Variants in ZNF30 observed in about 807,000 individuals in gnomAD.
ZNF30 encodes zinc finger protein 30, also known as zinc finger protein 30 (KOX 28).
ZNF30 carries 15 observed loss-of-function variants against 13.2 expected under a neutral mutation model. The ratio of observed to expected loss-of-function variants is 1.13; its 90% CI spans 0.76 to 1.75. The LOEUF (loss-of-function observed/expected upper bound fraction) is 1.75. ZNF30 is among the 40% of genes most tolerant of loss of function. The probability of loss-of-function intolerance (pLI) is 0.00; values close to 1 mark genes in which losing one functional copy is unlikely to be tolerated. For synonymous variants in ZNF30, 223 were observed against 256.6 expected, an observed-to-expected ratio of 0.87 and a Z score of 1.25; for missense variants, 726 against 757.0, an observed-to-expected ratio of 0.96 and a Z score of 0.48.
At chr19:34,939,623 A>AT (rs953663251) in intron 4 of ZNF30, among the ~76,000 whole-genome samples, 6 of 152,078 alleles carry the variant, frequency 3.9e-5, no homozygotes, top group Non-Finnish European at 8.8e-5. Flanking sequence ...CTAAAAGCTA[A>AT]TTTTTTTAAA....
At chr19:34,937,621 C>T (rs2012810837) in intron 4 of ZNF30, among the ~76,000 whole-genome samples, 1 of 151,856 alleles carries the variant, frequency 6.6e-6, no homozygotes, top group African/African-American at 2.4e-5. Context: ...GTAGTCCTAG[C>T]TACTCATGAG....
chr19:34,924,306 ATTTC>A (rs1178460704), upstream of ZNF30, among the ~76,000 whole-genome samples: 1 of 152,162 alleles, frequency 6.6e-6, no homozygotes, highest in Admixed American at 6.5e-5. Flanking sequence ...TGATTTAAAA[ATTTC>A]TTTGACATTC....
At position 34,944,351 on chromosome 19, in the gene ZNF30, G is replaced by T; in HGVS notation, c.1385G>T (p.Gly462Val). The T allele has an allele frequency of 3.7e-6, 6 of 1,614,174 alleles. No homozygotes were observed. Among genetic ancestry groups the T allele is most frequent in the Non-Finnish European group, 5.1e-6 (6 of 1,180,020 alleles). ...GEKPYECKECGKAFRVHVHLT... is the reference protein window; with the variant it reads ...GEKPYECKECVKAFRVHVHLT... ...AAACCCTATGAGTGTAAGGAATGTG[G>T]CAAGGCCTTCAGAGTGCACGTACAT... is the stretch of plus-strand genomic sequence containing the variant. Residue 462 changes from glycine (G) to valine (V), a missense_variant, in exon 5 of 5, where the codon GGC becomes GTC. Transcript: ENST00000601142.
intron 1 of ZNF30, among the ~76,000 whole-genome samples, chr19:34,929,282 G>T (rs1459688520): frequency 1.3e-5 from 2 of 152,090 alleles, no homozygotes; most frequent in Admixed American, 1.3e-4. Context: ...GCGAGACTCC[G>T]TCTCAAAAAA....
Position 34,928,277 on chromosome 19 carries a change from ATAAAT to A in ZNF30, c.-65+1070_-65+1074del, listed in dbSNP as rs1275336818. 6.1e-4 allele frequency among the ~76,000 whole-genome samples: 88 copies of A among 143,544 alleles called. 1 individual carries two copies. Among genetic ancestry groups the A allele is most frequent in the East Asian group, 1.8e-3 (9 of 4,966 alleles). 94.2% of individuals were successfully genotyped at this position (143,544 alleles called of 152,430 possible). Reference sequence around the variant, plus strand: ...TATAGATAGATAGATAGATAGATACATAAATTAAATTAAGTGGAAACAAGTGTTTA... The same window carrying A: ...TATAGATAGATAGATAGATAGATACATAAATTAAGTGGAAACAAGTGTTTA... On this transcript the variant is annotated intron_variant, in intron 1 of 4. Coordinates refer to ENST00000601142, the MANE Select transcript of ZNF30 (RefSeq NM_194325.3).
rs182556226 is a variant in ZNF30, at chr19:34,935,100, G to A, written c.256+1377G>A. Among the ~76,000 whole-genome samples the A allele has an allele frequency of 2.9e-3, 439 of 151,926 alleles. 4 individuals carry two copies. Among genetic ancestry groups the A allele is most frequent in the African/African-American group, 9.8e-3 (406 of 41,436 alleles). On this transcript the variant is annotated intron_variant, in intron 4 of 4. Coordinates refer to ENST00000601142, the MANE Select transcript of ZNF30 (RefSeq NM_194325.3). The stretch of plus-strand genomic sequence containing the variant: ...CAAAAAATTGGCCAGGCGTGGTGGC[G>A]GGCGCCTGTGGTCCCAGCTACTCGG...
chr19:34,935,321 C>T (rs1363599073), intron 4 of ZNF30, among the ~76,000 whole-genome samples: 1 of 152,026 alleles, frequency 6.6e-6, no homozygotes, highest in Non-Finnish European at 1.5e-5. Flanking sequence ...TTTCATATAC[C>T]CTTCAACCCA....
Position 34,943,315 on chromosome 19 carries a change from C to G in ZNF30, c.349C>G (p.Gln117Glu). ...TGCTCTACATCAGAAAATAAGTAGA[C>G]AGAAACCACGTGAATGTCAGGAATA... ...SFALHQKISR[Q>E]KPRECQEYGK... is the part of the protein sequence containing the mutation. The change falls in exon 5 of 5, where the codon CAG (glutamine) becomes GAG (glutamate). Residue 117 changes from glutamine to glutamate, a missense_variant. By Grantham distance (29) the Gln-to-Glu change is conservative. Transcript: ENST00000601142. 3 of 1,613,870 alleles carry G rather than the reference C, an allele frequency of 1.9e-6. No individual in the cohort carries two copies. The highest frequency in any genetic ancestry group is 2.2e-5 in the East Asian group (1 of 44,870).
At position 34,944,330 on chromosome 19, in the gene ZNF30, C is replaced by T; in HGVS notation, c.1364C>T (p.Pro455Leu). Residue 455 changes from proline to leucine, a missense_variant, in exon 5 of 5, where the codon CCC (proline) becomes CTC (leucine). Coordinates refer to ENST00000601142, the MANE Select transcript of ZNF30 (RefSeq NM_194325.3). Reference protein sequence around the residue: ...VHQRVHTGEKPYECKECGKAF... With the variant: ...VHQRVHTGEKLYECKECGKAF... Reference sequence around the variant, plus strand: ...CAAAGGGTTCATACTGGAGAGAAACCCTATGAGTGTAAGGAATGTGGCAAG... The same window carrying T: ...CAAAGGGTTCATACTGGAGAGAAACTCTATGAGTGTAAGGAATGTGGCAAG... 2 of 1,614,030 alleles carry T rather than the reference C, an allele frequency of 1.2e-6. No homozygotes were observed. Among genetic ancestry groups the T allele is most frequent in the Non-Finnish European group, 1.7e-6 (2 of 1,180,024 alleles).
rs776675091 is a variant in ZNF30 at position 34,943,526 on chromosome 19, G to A, written c.560G>A (p.Ser187Asn). The A allele has an allele frequency of 3.7e-6, 6 of 1,612,826 alleles. No homozygotes were observed. Among genetic ancestry groups the A allele is most frequent in the Non-Finnish European group, 3.4e-6 (4 of 1,179,578 alleles). The change falls in exon 5 of 5, where the codon AGT becomes AAT. Residue 187 changes from serine to asparagine, a missense_variant. By Grantham distance (46) the Ser-to-Asn change is conservative. Transcript: ENST00000601142. ...KYEKCGKAFISGSAFVKHGRI... is the reference protein window; with the variant it reads ...KYEKCGKAFINGSAFVKHGRI... ...GAAAAATGTGGGAAGGCCTTTATCA[G>A]TGGCTCAGCCTTTGTTAAGCATGGG...
intron 4 of ZNF30, chr19:34,942,609 G>A (rs1339763283): frequency 7.8e-7 from 1 of 1,288,276 alleles, no homozygotes; most frequent in Non-Finnish European, 1.0e-6. Flanking sequence ...GAAAGCTCCA[G>A]TCTACAAACA....
chr19:34,932,532 A>G (rs2012504758), intron 3 of ZNF30, among the ~76,000 whole-genome samples: 1 of 152,158 alleles, frequency 6.6e-6, no homozygotes, highest in South Asian at 2.1e-4. Context: ...TTATTAACAC[A>G]CAGCGTGCTT....
At chr19:34,938,552 T>G (rs1002589522) in intron 4 of ZNF30, among the ~76,000 whole-genome samples, 7 of 152,172 alleles carry the variant, frequency 4.6e-5, no homozygotes, top group Non-Finnish European at 8.8e-5. Flanking sequence ...TATATCTATA[T>G]ATATAAAAAT....
chr19:34,934,075 G>A (rs893071682), intron 4 of ZNF30, among the ~76,000 whole-genome samples: 1 of 151,846 alleles, frequency 6.6e-6, no homozygotes, highest in Non-Finnish European at 1.5e-5. Flanking sequence ...GTTGAACAGA[G>A]ACAGGAAAAA....
chr19:34,944,233 A>G lies in ZNF30; in HGVS notation c.1267A>G (p.Thr423Ala). 6.2e-7 allele frequency: 1 copy of G among 1,613,774 alleles called. No homozygotes were observed. Among genetic ancestry groups the G allele is most frequent in the East Asian group, 2.2e-5 (1 of 44,870 alleles). ...SYLVQHQRIHTGEKPYECKEC... is the reference protein window; with the variant it reads ...SYLVQHQRIHAGEKPYECKEC... ...CCTTGTTCAGCATCAGAGGATCCAT[A>G]CTGGGGAGAAACCCTATGAATGTAA... The change falls in exon 5 of 5, where the codon ACT becomes GCT. Residue 423 changes from threonine (T) to alanine (A), a missense_variant. Thr to Ala is a moderately conservative substitution (Grantham distance 58). Transcript: ENST00000601142.
At position 34,944,072 on chromosome 19, in the gene ZNF30, T is replaced by TA; in HGVS notation, c.1109dup (p.Pro371AlafsTer31). On this transcript the variant is annotated frameshift_variant, in exon 5 of 5. Transcript: ENST00000601142. LOFTEE classifies it low-confidence loss of function (END_TRUNC). ...GCACATCAGCGAATTCATGCAGAGATAAAGCCCTACGGATGCAAGGAATGC... is the reference window on the plus strand; with the variant it reads ...GCACATCAGCGAATTCATGCAGAGATAAAAGCCCTACGGATGCAAGGAATGC... The TA allele has an allele frequency of 6.2e-7, 1 of 1,613,514 alleles. No homozygotes were observed. Among genetic ancestry groups the TA allele is most frequent in the South Asian group, 1.1e-5 (1 of 91,024 alleles).
Position 34,943,199 on chromosome 19 carries a change from G to A in ZNF30, c.257-24G>A, listed in dbSNP as rs7245692. On this transcript the variant is annotated intron_variant, in intron 4 of 4. Transcript: ENST00000601142. ...AATTTTTTTTCAAATAGAAAAATAA[G>A]ATATTTTTAAAATTTTCTTTCAGAT... The A allele has an allele frequency of 3.0e-3, 4,205 of 1,409,690 alleles. 107 individuals carry two copies. In the African/African-American group the frequency reaches 0.055, roughly 18 times the overall value. The allele number at this position is 1,409,690 out of a possible 1,614,324, so 87.3% of individuals were successfully genotyped here. A position where few individuals can be genotyped will look rare whatever the true frequency, so the allele number is the denominator to read the frequency against.
At position 34,944,333 on chromosome 19, in the gene ZNF30, A is replaced by C. The variant is rs892776077; in HGVS notation, c.1367A>C (p.Tyr456Ser). Residue 456 changes from tyrosine (Y) to serine (S), a missense_variant, in exon 5 of 5, where the codon TAT becomes TCT. By Grantham distance (144) the Tyr-to-Ser change is moderately radical. Coordinates refer to ENST00000601142, the MANE Select transcript of ZNF30 (RefSeq NM_194325.3). ...AGGGTTCATACTGGAGAGAAACCCTATGAGTGTAAGGAATGTGGCAAGGCC... is the reference window on the plus strand; with the variant it reads ...AGGGTTCATACTGGAGAGAAACCCTCTGAGTGTAAGGAATGTGGCAAGGCC... Reference protein sequence around the residue: ...HQRVHTGEKPYECKECGKAFR... With the variant: ...HQRVHTGEKPSECKECGKAFR... The C allele has an allele frequency of 6.2e-7, 1 of 1,614,072 alleles. No homozygotes were observed. The highest frequency in any genetic ancestry group is 2.2e-5 in the East Asian group (1 of 44,872).
intron 4 of ZNF30, chr19:34,942,725 G>C (rs1000247261): frequency 1.2e-6 from 1 of 860,380 alleles, no homozygotes; most frequent in Non-Finnish European, 1.7e-6. Flanking sequence ...AATTAGGTCA[G>C]TATGGGACAG....
Sources: gnomAD v4.1 joint callset for allele counts (sites outside exome capture counted in the v4.1 genomes callset) on GRCh38, gnomAD v4.1.1 for gene constraint, MANE v1.5 for transcripts, NCBI Gene and HGNC (gene_info 2026-07-23, HGNC 2026-07-21) for gene names.